The following DOCK3 variants were observed in gnomAD, a reference collection of about 807,000 sequenced individuals.
DOCK3 encodes the protein dedicator of cytokinesis 3.
Under a neutral mutation model 265.6 loss-of-function variants are expected in DOCK3, and 60 were observed. The observed-to-expected ratio is 0.23, with a 90% CI of 0.18 to 0.28. The LOEUF (loss-of-function observed/expected upper bound fraction) is 0.28. Among genes scored for constraint, DOCK3 ranks in the 10% least tolerant of loss-of-function variants. The pLI is 1.00. For synonymous variants in DOCK3, 881 were observed against 938.0 expected (o/e 0.94, Z 1.11); for missense variants, 1,981 against 2,594.3 (o/e 0.76, Z 5.14).
chr3:51,269,133 C>A (rs577615055), intron 23 of DOCK3, among the ~76,000 whole-genome samples: 6,393 of 146,372 alleles, frequency 0.044, 175 homozygotes, highest in East Asian at 0.12. Flanking sequence ...CTCTCTCTCT[C>A]TCTCTATATA....
chr3:51,130,151 T>A (rs1359035424), intron 9 of DOCK3, among the ~76,000 whole-genome samples: 1 of 152,192 alleles, frequency 6.6e-6, no homozygotes, highest in Non-Finnish European at 1.5e-5. Context: ...TTATTTCCCA[T>A]CCTCTGGCAC....
At chr3:50,873,356 A>G (rs1460710377) in intron 3 of DOCK3, among the ~76,000 whole-genome samples, 2 of 151,994 alleles carry the variant, frequency 1.3e-5, no homozygotes, top group Non-Finnish European at 2.9e-5. Context: ...TGGAAAGGGG[A>G]CCTCATGACC....
chr3:51,368,843 C>G (rs28856397), intron 49 of DOCK3, among the ~76,000 whole-genome samples: 255 of 152,310 alleles, frequency 1.7e-3, no homozygotes, highest in African/African-American at 5.9e-3. Flanking sequence ...CAGGGTGCCC[C>G]TCTGAGACAA....
intron 1 of DOCK3, among the ~76,000 whole-genome samples, chr3:50,726,158 T>G (rs2108066087): frequency 6.6e-6 from 1 of 152,328 alleles, no homozygotes; most frequent in South Asian, 2.1e-4. Context: ...AATGACAAGA[T>G]TTTTAAAAGC....
intron 19 of DOCK3, among the ~76,000 whole-genome samples, chr3:51,230,362 C>T (rs1033003893): frequency 1.3e-5 from 2 of 152,176 alleles, no homozygotes; most frequent in African/African-American, 4.8e-5. Context: ...CAAGTGAGAA[C>T]ATGCAGTATT....
chr3:51,284,959 C>A (rs1215078565), intron 27 of DOCK3, among the ~76,000 whole-genome samples: 1 of 152,192 alleles, frequency 6.6e-6, no homozygotes, highest in Non-Finnish European at 1.5e-5. Flanking sequence ...AATGCAGCGA[C>A]AGTGGGATAT....
chr3:51,280,349 T>C, intron 27 of DOCK3, 145 bp downstream of exon 27: 1 of 773,546 alleles, frequency 1.3e-6, no homozygotes, highest in Non-Finnish European at 2.0e-6. Flanking sequence ...CAGCTGAGTG[T>C]TGGCCTCCAG....
chr3:51,302,629 C>T (rs1290855883), intron 27 of DOCK3, among the ~76,000 whole-genome samples: 1 of 152,082 alleles, frequency 6.6e-6, no homozygotes, highest in East Asian at 1.9e-4. Context: ...GACAAATTCC[C>T]TCCTCATTTG....
intron 5 of DOCK3, among the ~76,000 whole-genome samples, chr3:50,946,358 G>A (rs2076427463): frequency 6.6e-6 from 1 of 152,000 alleles, no homozygotes; most frequent in Admixed American, 6.5e-5. Context: ...GATATATTTT[G>A]TACATAACAA....
chr3:50,676,602 T>G (rs1013378338), intron 1 of DOCK3, among the ~76,000 whole-genome samples: 1 of 151,646 alleles, frequency 6.6e-6, no homozygotes, highest in Non-Finnish European at 1.5e-5. Flanking sequence ...TCTCCATAAC[T>G]CGCTCCCAGA....
chr3:51,010,828 C>A (rs1041222790), intron 5 of DOCK3, among the ~76,000 whole-genome samples: 9 of 152,172 alleles, frequency 5.9e-5, no homozygotes, highest in African/African-American at 2.2e-4. Context: ...GTGACAAAAT[C>A]TCTCAGCATT....
chr3:50,989,150 TG>T (rs1187420290), intron 5 of DOCK3, among the ~76,000 whole-genome samples: 2 of 152,072 alleles, frequency 1.3e-5, no homozygotes, highest in African/African-American at 4.8e-5. Flanking sequence ...ACCCCTGGCT[TG>T]GGCCCACAGC....
intron 5 of DOCK3, among the ~76,000 whole-genome samples, chr3:51,018,979 T>G (rs1435504698): frequency 6.6e-6 from 1 of 151,808 alleles, no homozygotes; most frequent in East Asian, 1.9e-4. Context: ...AGTGGTGTCT[T>G]TTTTTGGAGG....
chr3:50,788,036 G>A, intron 2 of DOCK3: 1 of 737,558 alleles, frequency 1.4e-6, no homozygotes, highest in Non-Finnish European at 2.3e-6. Context: ...CTCTGCTCCT[G>A]TCTCCCTGAA....
intron 7 of DOCK3, among the ~76,000 whole-genome samples, chr3:51,086,814 A>C (rs976720528): frequency 7.2e-5 from 11 of 152,170 alleles, no homozygotes; most frequent in African/African-American, 2.7e-4. Flanking sequence ...AAACAAAACA[A>C]AACAAGGAAT....
intron 10 of DOCK3, 85 bp downstream of exon 10, chr3:51,146,715 A>G (rs2085319154): frequency 8.2e-7 from 1 of 1,214,356 alleles, no homozygotes. Flanking sequence ...GGAAACAAGC[A>G]TTTAGTCTTA....
At chr3:51,180,604 A>C (rs374712973) in intron 12 of DOCK3, among the ~76,000 whole-genome samples, 1 of 152,142 alleles carries the variant, frequency 6.6e-6, no homozygotes, top group Admixed American at 6.6e-5. Context: ...GATATTTGTC[A>C]TTGGATTTAG....
intron 4 of DOCK3, among the ~76,000 whole-genome samples, chr3:50,928,593 C>T (rs1357668801): frequency 6.6e-6 from 1 of 152,024 alleles, no homozygotes; most frequent in Non-Finnish European, 1.5e-5. Flanking sequence ...TGCAAGTTTC[C>T]TAGTTGATTC....
At chr3:50,924,693 C>G (rs1447882518) in intron 4 of DOCK3, among the ~76,000 whole-genome samples, 2 of 152,158 alleles carry the variant, frequency 1.3e-5, no homozygotes, top group African/African-American at 4.8e-5. Context: ...CAGGGTTGCC[C>G]ACTGCTACCG....
Sources: allele counts gnomAD v4.1 joint callset (sites outside exome capture counted in the v4.1 genomes callset), GRCh38; gene constraint gnomAD v4.1.1; transcripts MANE v1.5; gene names NCBI Gene and HGNC (gene_info 2026-07-23, HGNC 2026-07-21).